Variants in TYW1 observed in about 807,000 individuals in gnomAD.
TYW1 encodes the protein tRNA-yW synthesizing protein 1 homolog, also known as S-adenosyl-L-methionine-dependent tRNA 4-demethylwyosine synthase TYW1.
In TYW1, 46 loss-of-function variants were observed where a neutral mutation model predicts 96.2. The ratio of observed to expected loss-of-function variants is 0.48; its 90% CI spans 0.38 to 0.61. The LOEUF (loss-of-function observed/expected upper bound fraction) is 0.61. TYW1 is among the 20% of genes least tolerant of loss of function. TYW1 has a pLI of 0.00. For synonymous variants in TYW1, 274 were observed against 323.0 expected (o/e 0.85, Z 1.63); for missense variants, 684 against 909.6 (o/e 0.75, Z 3.19).
chr7:67,138,780 C>G (rs1199954536), intron 13 of TYW1, among the ~76,000 whole-genome samples: 1 of 152,120 alleles, frequency 6.6e-6, no homozygotes, highest in African/African-American at 2.4e-5. Context: ...ACCTCCAGTT[C>G]CATCCATGTT....
chr7:66,998,496 C>T (rs1793270627), intron 2 of TYW1, among the ~76,000 whole-genome samples: 1 of 152,046 alleles, frequency 6.6e-6, no homozygotes, highest in Non-Finnish European at 1.5e-5. Context: ...GTAGTCCTCT[C>T]TTTCCATTAA....
intron 7 of TYW1, among the ~76,000 whole-genome samples, chr7:67,042,734 T>C (rs894249138): frequency 1.2e-4 from 18 of 152,062 alleles, no homozygotes; most frequent in African/African-American, 4.3e-4. Flanking sequence ...CAGTGGCTTA[T>C]GCCTGTAATC....
chr7:67,012,624 G>A (rs1188864512), intron 4 of TYW1, among the ~76,000 whole-genome samples: 1 of 152,142 alleles, frequency 6.6e-6, no homozygotes, highest in Non-Finnish European at 1.5e-5. Flanking sequence ...TACACAGGTT[G>A]AGAATCCCTG....
intron 12 of TYW1, among the ~76,000 whole-genome samples, chr7:67,103,646 T>C (rs1797157002): frequency 6.6e-6 from 1 of 152,254 alleles, no homozygotes; most frequent in Non-Finnish European, 1.5e-5. Context: ...TACTTATTTC[T>C]GTGAATAGGA....
At chr7:67,047,818 G>T in intron 7 of TYW1, among the ~76,000 whole-genome samples, 1 of 127,136 alleles carries the variant, frequency 7.9e-6, no homozygotes, top group South Asian at 2.6e-4. Context: ...TTGAGGCAGA[G>T]TCTCTGTCGC....
chr7:67,199,146 G>A (rs904071185), intron 15 of TYW1, among the ~76,000 whole-genome samples: 36 of 151,886 alleles, frequency 2.4e-4, no homozygotes, highest in Middle Eastern at 3.2e-3. Context: ...GCAGTGACCC[G>A]TGATTATGCC....
chr7:67,074,217 T>A (rs879808020), intron 10 of TYW1, among the ~76,000 whole-genome samples: 8 of 152,200 alleles, frequency 5.3e-5, no homozygotes, highest in African/African-American at 1.7e-4. Context: ...ACTGAAGTAT[T>A]GGGATCACAT....
chr7:67,195,226 C>G lies in TYW1; in HGVS notation c.1866C>G (p.Pro622=). ...SASSLTMAHV[P]WHEEVVQFVH... is the part of the protein sequence containing the mutation. The stretch of plus-strand genomic sequence containing the variant: ...GCAGTCTTACCATGGCCCACGTGCC[C>G]TGGCATGAGGAAGTGGTACAGTTTG... The change falls in exon 15 of 16, where the codon CCC becomes CCG. Residue 622 remains proline (P), a synonymous_variant. Coordinates refer to ENST00000359626, the MANE Select transcript of TYW1 (RefSeq NM_018264.4). 1 of 1,613,794 alleles carries G rather than the reference C, an allele frequency of 6.2e-7. No homozygotes were observed. Among genetic ancestry groups the G allele is most frequent in the Non-Finnish European group, 8.5e-7 (1 of 1,179,992 alleles).
At position 67,232,526 on chromosome 7, in the gene TYW1, G is replaced by GTGAGAACCTAT. The variant is rs1584725707; in HGVS notation, c.1978-5782_1978-5781insTGAGAACCTAT. ...ACTGCACTCCAGCCTGGGCAACAGA[G>GTGAGAACCTAT]CATGACTCCGTCTCAAAAATAAATA... On this transcript the variant is annotated intron_variant, in intron 15 of 15. Coordinates refer to ENST00000359626, the MANE Select transcript of TYW1 (RefSeq NM_018264.4). Among the ~76,000 whole-genome samples, 133 of 136,980 alleles carry GTGAGAACCTAT rather than the reference G, an allele frequency of 9.7e-4. 1 individual carries two copies. Among genetic ancestry groups the GTGAGAACCTAT allele is most frequent in the African/African-American group, 1.5e-3 (52 of 34,644 alleles). The allele number at this position is 136,980 out of a possible 152,430, so 89.9% of individuals were successfully genotyped here.
At chr7:67,041,978 T>G (rs1795038423) in intron 7 of TYW1, among the ~76,000 whole-genome samples, 1 of 148,418 alleles carries the variant, frequency 6.7e-6, no homozygotes, top group African/African-American at 2.4e-5. Context: ...ATAATAACAT[T>G]ATATTCTAAT....
chr7:67,076,777 T>A (rs970884225), intron 10 of TYW1, among the ~76,000 whole-genome samples: 1 of 124,174 alleles, frequency 8.1e-6, no homozygotes, highest in Admixed American at 8.1e-5. Flanking sequence ...CACTCAGCCT[T>A]TTTTTTTTTT....
At chr7:67,198,625 C>T (rs978444530) in intron 15 of TYW1, among the ~76,000 whole-genome samples, 1 of 152,008 alleles carries the variant, frequency 6.6e-6, no homozygotes, top group Admixed American at 6.6e-5. Flanking sequence ...TTGCAAGGCA[C>T]ATACAGCCTC....
chr7:67,156,067 G>A (rs1342850299), intron 13 of TYW1, among the ~76,000 whole-genome samples: 1 of 152,150 alleles, frequency 6.6e-6, no homozygotes. Context: ...ATACCAGCCC[G>A]ATCATTCGTA....
Position 67,128,295 on chromosome 7 carries a change from G to GTA in TYW1, c.1698+10677_1698+10678insTA, listed in dbSNP as rs1317442577. On this transcript the variant is annotated intron_variant, in intron 13 of 15. Coordinates refer to ENST00000359626, the MANE Select transcript of TYW1 (RefSeq NM_018264.4). ...TTTCTGTTGAGAATCCTTAAACTCA[G>GTA]AGATTCCTTCATCAGCCATATCCAG... is the stretch of plus-strand genomic sequence containing the variant. Among the ~76,000 whole-genome samples, 25 of 152,238 alleles carry GTA rather than the reference G, an allele frequency of 1.6e-4. No homozygotes were observed. The East Asian group carries it at 4.4e-3, about 27-fold the overall frequency.
At chr7:67,225,190 C>CAAAA (rs10600752) in intron 15 of TYW1, among the ~76,000 whole-genome samples, 1 of 78,052 alleles carries the variant, frequency 1.3e-5, no homozygotes, top group Non-Finnish European at 2.7e-5. Flanking sequence ...GACTCCGTCT[C>CAAAA]AAAAAAAAAA....
chr7:67,190,238 C>CTA (rs1211167002), intron 14 of TYW1, among the ~76,000 whole-genome samples: 1 of 152,186 alleles, frequency 6.6e-6, no homozygotes, highest in African/African-American at 2.4e-5. Context: ...CCCTAGCCAG[C>CTA]GTTTATCAGC....
At chr7:67,087,046 A>G (rs1349947360) in intron 11 of TYW1, among the ~76,000 whole-genome samples, 1 of 152,198 alleles carries the variant, frequency 6.6e-6, no homozygotes, top group East Asian at 1.9e-4. Context: ...ACTGCCTTGA[A>G]GAATAGACAC....
intron 10 of TYW1, among the ~76,000 whole-genome samples, chr7:67,075,713 G>T (rs1393926942): frequency 6.6e-6 from 1 of 152,218 alleles, no homozygotes; most frequent in Non-Finnish European, 1.5e-5. Flanking sequence ...TGGTTGCCTA[G>T]GGCCGGAGGG....
intron 15 of TYW1, among the ~76,000 whole-genome samples, chr7:67,198,407 G>T (rs10267595): frequency 0.25 from 37,849 of 151,394 alleles, 4,915 homozygotes; most frequent in African/African-American, 0.3. Flanking sequence ...TAAAATTAGC[G>T]GGGTGTGGTG....
Sources: allele counts gnomAD v4.1 joint callset (sites outside exome capture counted in the v4.1 genomes callset), GRCh38; gene constraint gnomAD v4.1.1; transcripts MANE v1.5; gene names NCBI Gene and HGNC (gene_info 2026-07-23, HGNC 2026-07-21).